HMGCLL1: variants seen among roughly 807,000 people sequenced by gnomAD.
HMGCLL1 encodes the protein 3-hydroxy-3-methylglutaryl-CoA lyase like 1.
In HMGCLL1, 36 loss-of-function variants were observed where a neutral mutation model predicts 39.1. The observed-to-expected ratio is 0.92, with a 90% CI of 0.71 to 1.22. The LOEUF is 1.22. Among genes scored for constraint, HMGCLL1 ranks in the 50% most tolerant of loss-of-function variants. The probability of loss-of-function intolerance (pLI) is 0.00; values close to 1 mark genes in which losing one functional copy is unlikely to be tolerated. For synonymous variants in HMGCLL1, 149 were observed against 144.0 expected (o/e 1.03, Z -0.25); for missense variants, 451 against 416.5 (o/e 1.08, Z -0.72).
intron 7 of HMGCLL1, among the ~76,000 whole-genome samples, chr6:55,475,881 C>A (rs7744046): frequency 0.99 from 150,809 of 151,746 alleles, 74,950 homozygotes; most frequent in Middle Eastern, 1. Flanking sequence ...TGATGCTTTT[C>A]TCACAAATCA....
At chr6:55,554,867 C>T (rs1770565336) in intron 1 of HMGCLL1, among the ~76,000 whole-genome samples, 2 of 152,194 alleles carry the variant, frequency 1.3e-5, no homozygotes, top group African/African-American at 4.8e-5. Flanking sequence ...CTCTCTTCTT[C>T]TCATACCCTA....
the HMGCLL1 span, among the ~76,000 whole-genome samples, chr6:55,632,387 T>G: frequency 6.6e-6 from 1 of 150,624 alleles, no homozygotes; most frequent in Non-Finnish European, 1.5e-5. Flanking sequence ...TGAATGAACA[T>G]ATTTTAATAT....
At chr6:55,573,655 G>A (rs1771627702) in intron 1 of HMGCLL1, among the ~76,000 whole-genome samples, 2 of 151,872 alleles carry the variant, frequency 1.3e-5, no homozygotes, top group Admixed American at 6.6e-5. Flanking sequence ...GAGAAGAAAA[G>A]AAAGAATGAA....
chr6:55,440,694 T>G (rs187748931), intron 7 of HMGCLL1, among the ~76,000 whole-genome samples: 2 of 152,168 alleles, frequency 1.3e-5, no homozygotes, highest in East Asian at 1.9e-4. Context: ...GAAGCAGAGC[T>G]CTTTCCAACC....
intron 3 of HMGCLL1, among the ~76,000 whole-genome samples, chr6:55,518,597 T>C (rs1325059887): frequency 6.6e-6 from 1 of 152,154 alleles, no homozygotes; most frequent in African/African-American, 2.4e-5. Context: ...TCCATATGGC[T>C]TTCTCTTTTG....
Position 55,479,373 on chromosome 6 carries a change from T to TTTTG in HMGCLL1, c.795+16042_795+16045dup, listed in dbSNP as rs1426919772. Among the ~76,000 whole-genome samples, 3 of 151,612 alleles carry TTTTG rather than the reference T, an allele frequency of 2.0e-5. 1 individual carries two copies. The highest frequency in any genetic ancestry group is 7.3e-5 in the African/African-American group (3 of 40,986). On this transcript the variant is annotated intron_variant, in intron 7 of 8. Coordinates refer to ENST00000274901, the MANE Select transcript of HMGCLL1 (RefSeq NM_001042406.2). ...TATGCTTGTATTTTGGTGCTGCCTATTTTGTTTGCATTATACTATGTGGTG... is the reference window on the plus strand; with the variant it reads ...TATGCTTGTATTTTGGTGCTGCCTATTTTGTTTGTTTGCATTATACTATGTGGTG...
At chr6:55,563,462 T>G (rs1441646623) in intron 1 of HMGCLL1, among the ~76,000 whole-genome samples, 2 of 152,182 alleles carry the variant, frequency 1.3e-5, no homozygotes, top group Non-Finnish European at 2.9e-5. Context: ...TTATTGATTA[T>G]GCATAAATTT....
intron 7 of HMGCLL1, among the ~76,000 whole-genome samples, chr6:55,473,416 G>T (rs1320703434): frequency 6.6e-6 from 1 of 150,930 alleles, no homozygotes; most frequent in Non-Finnish European, 1.5e-5. Flanking sequence ...AAAATTTTTA[G>T]TGATTTATCT....
chr6:55,532,996 A>G, intron 3 of HMGCLL1, among the ~76,000 whole-genome samples: 1 of 151,548 alleles, frequency 6.6e-6, no homozygotes. Context: ...ATTTAATTGT[A>G]CAGTGGAACA....
At chr6:55,605,851 TCTAA>T in the HMGCLL1 span, among the ~76,000 whole-genome samples, 615 of 152,318 alleles carry the variant, frequency 4.0e-3, 5 homozygotes, top group African/African-American at 0.013. Context: ...ATAAATCGTT[TCTAA>T]CTGTTACGTA....
At chr6:55,542,803 T>TAA (rs1769532993) in intron 1 of HMGCLL1, among the ~76,000 whole-genome samples, 1 of 140,796 alleles carries the variant, frequency 7.1e-6, no homozygotes. Flanking sequence ...CCTATATTTA[T>TAA]ATATATATAT....
intron 1 of HMGCLL1, among the ~76,000 whole-genome samples, chr6:55,553,326 T>C (rs547616728): frequency 3.3e-5 from 5 of 151,612 alleles, no homozygotes; most frequent in African/African-American, 9.7e-5. Context: ...TAATCCCAGC[T>C]ACTCGGGAGG....
At chr6:55,596,696 C>A in the HMGCLL1 span, among the ~76,000 whole-genome samples, 1 of 152,166 alleles carries the variant, frequency 6.6e-6, no homozygotes, top group Non-Finnish European at 1.5e-5. Context: ...AACTATATTT[C>A]TTCATGCATT....
intron 6 of HMGCLL1, 86 bp downstream of exon 6, chr6:55,499,150 G>T: frequency 9.5e-7 from 1 of 1,051,512 alleles, no homozygotes; most frequent in Non-Finnish European, 1.4e-6. Context: ...ATGCTATGCA[G>T]ATTCAATAAA....
the HMGCLL1 span, among the ~76,000 whole-genome samples, chr6:55,624,761 T>C: frequency 1.3e-5 from 2 of 152,142 alleles, no homozygotes; most frequent in Admixed American, 1.3e-4. Flanking sequence ...CCTGTTGAGA[T>C]AGTCTTACTA....
At chr6:55,661,274 T>C in the HMGCLL1 span, among the ~76,000 whole-genome samples, 1 of 151,922 alleles carries the variant, frequency 6.6e-6, no homozygotes, top group Non-Finnish European at 1.5e-5. Context: ...GGCATCTTCA[T>C]CATGAAATTG....
chr6:55,665,026 T>C, the HMGCLL1 span, among the ~76,000 whole-genome samples: 6 of 151,606 alleles, frequency 4.0e-5, no homozygotes, highest in African/African-American at 1.5e-4. Context: ...CCCTGTACAA[T>C]TTATTAGAAG....
rs1769625885 is a variant in HMGCLL1, at chr6:55,543,188, A to AATATATTATATAT, written c.109-1061_109-1049dup. 4.1e-4 allele frequency among the ~76,000 whole-genome samples: 3 copies of AATATATTATATAT among 7,344 alleles called. 1 individual carries two copies. The highest frequency in any genetic ancestry group is 6.9e-4 in the Non-Finnish European group (2 of 2,902). The allele number at this position is 7,344 out of a possible 152,430, so 4.8% of individuals were successfully genotyped here. ...ATATAATATATAATATATAATATAT[A>AATATATTATATAT]ATATATTATATATTATATATTATAT... On this transcript the variant is annotated intron_variant, in intron 1 of 8. Transcript: ENST00000274901.
chr6:55,520,524 G>A (rs1767984540), intron 3 of HMGCLL1, among the ~76,000 whole-genome samples: 1 of 151,842 alleles, frequency 6.6e-6, no homozygotes, highest in African/African-American at 2.4e-5. Context: ...AGGAAATCCT[G>A]ATAGAGTATC....
Sources: gnomAD v4.1 joint callset for allele counts (sites outside exome capture counted in the v4.1 genomes callset) on GRCh38, gnomAD v4.1.1 for gene constraint, MANE v1.5 for transcripts, NCBI Gene and HGNC (gene_info 2026-07-23, HGNC 2026-07-21) for gene names.